Variants in CEP83 observed in about 807,000 individuals in gnomAD.
The protein encoded by CEP83 is centrosomal protein of 83 kDa.
A neutral mutation model predicts 101.9 loss-of-function variants in CEP83; 70 were observed. That is an observed-to-expected ratio of 0.69 (90% CI 0.57 to 0.84). The LOEUF is 0.84. Ranked by LOEUF, CEP83 falls within the 40% of genes least tolerant of loss-of-function variation. CEP83 has a pLI of 0.00. For synonymous variants in CEP83, 264 were observed against 267.9 expected (o/e 0.99, Z 0.14); for missense variants, 715 against 787.2 (o/e 0.91, Z 1.10).
chr12:94,438,062 C>G (rs971720043), intron 1 of CEP83, among the ~76,000 whole-genome samples: 3 of 151,522 alleles, frequency 2.0e-5, no homozygotes, highest in Non-Finnish European at 4.4e-5. Context: ...ACTAAAAATA[C>G]AAAAAAATTA....
intron 4 of CEP83, among the ~76,000 whole-genome samples, chr12:94,410,221 T>C (rs994832603): frequency 5.9e-5 from 9 of 152,206 alleles, no homozygotes; most frequent in African/African-American, 1.9e-4. Context: ...GAAAAAAAGT[T>C]CCTGCCTTCA....
At chr12:94,268,897 T>G in the CEP83 span, among the ~76,000 whole-genome samples, 86,239 of 151,912 alleles carry the variant, frequency 0.57, 24,669 homozygotes, top group African/African-American at 0.62. Flanking sequence ...ATCCGGCCGA[T>G]AATAAGACCT....
chr12:94,327,403 GT>G (rs1386059325), intron 14 of CEP83, among the ~76,000 whole-genome samples: 4 of 151,992 alleles, frequency 2.6e-5, no homozygotes, highest in Non-Finnish European at 5.9e-5. Flanking sequence ...CTAGCTCCTC[GT>G]TCTAAGTAAA....
intron 14 of CEP83, among the ~76,000 whole-genome samples, chr12:94,318,955 A>G (rs1971160549): frequency 6.6e-6 from 1 of 152,068 alleles, no homozygotes; most frequent in Admixed American, 6.6e-5. Context: ...CTGCTCCTCT[A>G]TTTTTTGTTA....
chr12:94,399,224 G>A (rs1176605204), intron 6 of CEP83, among the ~76,000 whole-genome samples: 1 of 152,136 alleles, frequency 6.6e-6, no homozygotes, highest in Non-Finnish European at 1.5e-5. Flanking sequence ...TTGAGGCTCA[G>A]GTGGGCATCA....
intron 15 of CEP83, chr12:94,312,702 G>C: frequency 1.0e-6 from 1 of 985,348 alleles, no homozygotes; most frequent in Non-Finnish European, 1.2e-6. Context: ...CCAATCATAA[G>C]GCAAACACCT....
chr12:94,430,080 G>A (rs982677117), intron 2 of CEP83, among the ~76,000 whole-genome samples: 6 of 151,886 alleles, frequency 4.0e-5, no homozygotes, highest in African/African-American at 1.5e-4. Context: ...AGCCCACCTG[G>A]CCTCACCCAC....
chr12:94,265,951 A>C, the CEP83 span, among the ~76,000 whole-genome samples: 1 of 152,222 alleles, frequency 6.6e-6, no homozygotes, highest in Admixed American at 6.5e-5. Context: ...CTTTAGAATT[A>C]GGAATTTTCT....
At chr12:94,267,805 C>T in the CEP83 span, among the ~76,000 whole-genome samples, 45 of 152,178 alleles carry the variant, frequency 3.0e-4, no homozygotes, top group Admixed American at 1.6e-3. Context: ...CAGCCTGAAC[C>T]ACCATATTTC....
At chr12:94,443,895 C>T (rs1433947619) in intron 1 of CEP83, among the ~76,000 whole-genome samples, 2 of 152,158 alleles carry the variant, frequency 1.3e-5, no homozygotes, top group African/African-American at 4.8e-5. Flanking sequence ...GGAAAAACTA[C>T]ATATAATCTT....
chr12:94,306,022 C>G (rs1179210368), downstream of CEP83: 2 of 152,032 alleles, frequency 1.3e-5, 1 homozygote, highest in African/African-American at 4.8e-5. Flanking sequence ...ATGTATGTTC[C>G]TTTTCTTCAT....
chr12:94,417,062 C>T (rs530637901), intron 2 of CEP83, among the ~76,000 whole-genome samples: 1 of 152,246 alleles, frequency 6.6e-6, no homozygotes, highest in South Asian at 2.1e-4. Flanking sequence ...GACTGCAAAT[C>T]CCAGCCACTC....
chr12:94,460,075 C>A (rs868641053), upstream of CEP83: 3 of 152,196 alleles, frequency 2.0e-5, no homozygotes, highest in Non-Finnish European at 4.4e-5. Context: ...GCGGGAGCGG[C>A]CACGGGTGAC....
chr12:94,396,887 C>A (rs2062933855), intron 6 of CEP83, among the ~76,000 whole-genome samples: 1 of 152,270 alleles, frequency 6.6e-6, no homozygotes, highest in Middle Eastern at 3.4e-3. Flanking sequence ...TGGAAGATGA[C>A]AAGATTCAGC....
rs545103113 is a variant in CEP83, at chr12:94,355,607, TCTGGCCATAAACTGGCCCCAAAA to T, written c.1343+12164_1343+12186del. On this transcript the variant is annotated intron_variant, in intron 11 of 16. Transcript: ENST00000397809. ...GATGTTGGGAGCAAGCCCCCCAAAG[TCTGGCCATAAACTGGCCCCAAAA>T]CTGGCCATAAATAAAATCTCTGCAG... Among the ~76,000 whole-genome samples the T allele has an allele frequency of 7.6e-4, 116 of 152,362 alleles. 1 individual carries two copies. The East Asian group carries it at 0.021, about 28-fold the overall frequency.
chr12:94,313,765 A>G (rs993176291), intron 14 of CEP83, among the ~76,000 whole-genome samples: 1 of 152,136 alleles, frequency 6.6e-6, no homozygotes, highest in African/African-American at 2.4e-5. Flanking sequence ...TGAACCTGGG[A>G]GGCGGAGGTT....
intron 2 of CEP83, among the ~76,000 whole-genome samples, chr12:94,429,422 C>T (rs2065452370): frequency 6.6e-6 from 1 of 152,208 alleles, no homozygotes; most frequent in South Asian, 2.1e-4. Context: ...GGCACACCAA[C>T]CTCTCCACTC....
chr12:94,296,612 G>T, the CEP83 span, among the ~76,000 whole-genome samples: 1 of 152,126 alleles, frequency 6.6e-6, no homozygotes, highest in Non-Finnish European at 1.5e-5. Context: ...CCTAGAAAGG[G>T]TCAGCTCCTT....
chr12:94,275,499 C>T, the CEP83 span, among the ~76,000 whole-genome samples: 1 of 152,310 alleles, frequency 6.6e-6, no homozygotes, highest in East Asian at 1.9e-4. Flanking sequence ...ACTTTCCCAG[C>T]CTGGGGGTGG....
Sources: allele counts gnomAD v4.1 joint callset (sites outside exome capture counted in the v4.1 genomes callset), GRCh38; gene constraint gnomAD v4.1.1; transcripts MANE v1.5; gene names NCBI Gene and HGNC (gene_info 2026-07-23, HGNC 2026-07-21).